Variants in CHD6 observed in about 807,000 individuals in gnomAD.
CHD6 encodes the protein chromodomain helicase DNA binding protein 6, also known as ATP-dependent chromatin remodeler CHD6.
CHD6 carries 50 observed loss-of-function variants against 276.9 expected under a neutral mutation model. The observed-to-expected ratio is 0.18, with a 90% CI of 0.14 to 0.23. The LOEUF (loss-of-function observed/expected upper bound fraction) is 0.23. Among genes scored for constraint, CHD6 ranks in the 10% least tolerant of loss-of-function variants. CHD6 has a pLI of 1.00. For missense variants in CHD6, 2,564 were observed against 3,365.8 expected, an observed-to-expected ratio of 0.76 and a Z score of 5.89; for synonymous variants, 1,173 against 1,229.3, an observed-to-expected ratio of 0.95 and a Z score of 0.96.
intron 1 of CHD6, among the ~76,000 whole-genome samples, chr20:41,574,092 T>A (rs771321514): frequency 6.6e-6 from 1 of 151,424 alleles, no homozygotes; most frequent in Non-Finnish European, 1.5e-5. Flanking sequence ...GCAAATGTTA[T>A]TTTTAGCTAT....
chr20:41,587,809 T>C (rs1461752334), intron 1 of CHD6, among the ~76,000 whole-genome samples: 1 of 148,322 alleles, frequency 6.7e-6, no homozygotes, highest in Non-Finnish European at 1.5e-5. Context: ...ACTGATGACA[T>C]TTCTGTAGTG....
rs1228993551 is a variant in CHD6, at chr20:41,489,988, T to C, written c.1470A>G (p.Leu490=). 1.9e-6 allele frequency: 3 copies of C among 1,613,788 alleles called. No individual in the cohort carries two copies. The highest frequency in any genetic ancestry group is 1.7e-6 in the Non-Finnish European group (2 of 1,179,796). Residue 490 remains leucine, a synonymous_variant, in exon 12 of 37, where the codon CTA becomes CTG. Transcript: ENST00000373233. ...KNCILADEMG[L]GKTIQSITFL... ...ATGTGATGGACTGGATGGTTTTCCCTAGGCCCATCTCATCAGCCAAAATAC... is the reference window on the plus strand; with the variant it reads ...ATGTGATGGACTGGATGGTTTTCCCCAGGCCCATCTCATCAGCCAAAATAC...
intron 3 of CHD6, among the ~76,000 whole-genome samples, chr20:41,525,117 G>T (rs1386505484): frequency 6.6e-6 from 1 of 152,126 alleles, no homozygotes; most frequent in African/African-American, 2.4e-5. Flanking sequence ...CCCCTGAATA[G>T]GAAGCCTGGC....
intron 24 of CHD6, among the ~76,000 whole-genome samples, chr20:41,447,218 A>C (rs2048096823): frequency 1.3e-5 from 2 of 152,220 alleles, no homozygotes; most frequent in Admixed American, 1.3e-4. Context: ...CCACGGCCCC[A>C]GGTAATCTCA....
intron 5 of CHD6, among the ~76,000 whole-genome samples, chr20:41,500,754 T>C (rs577909123): frequency 2.8e-4 from 42 of 152,260 alleles, no homozygotes; most frequent in African/African-American, 7.9e-4. Flanking sequence ...TTGTTTTATA[T>C]ACCGACATAG....
chr20:41,435,603 CAA>C (rs34895530), intron 27 of CHD6, among the ~76,000 whole-genome samples: 50,647 of 109,776 alleles, frequency 0.46, 10,958 homozygotes, highest in East Asian at 0.68. Context: ...GACCCTGAGT[CAA>C]AAAAAAAAAA....
intron 2 of CHD6, among the ~76,000 whole-genome samples, chr20:41,545,457 T>C (rs771244777): frequency 2.0e-5 from 3 of 152,262 alleles, no homozygotes; most frequent in Admixed American, 6.5e-5. Flanking sequence ...TTTTGAAACA[T>C]GATTCTAGGG....
chr20:41,581,182 T>A (rs1231045953), intron 1 of CHD6, among the ~76,000 whole-genome samples: 1 of 152,212 alleles, frequency 6.6e-6, no homozygotes, highest in Non-Finnish European at 1.5e-5. Context: ...GTCTTAATCA[T>A]CATAATCATC....
chr20:41,439,568 G>A (rs932898726), intron 26 of CHD6, among the ~76,000 whole-genome samples: 1 of 152,184 alleles, frequency 6.6e-6, no homozygotes, highest in Non-Finnish European at 1.5e-5. Flanking sequence ...CTTGCTCATG[G>A]ACTATGCAAT....
chr20:41,603,348 G>GA (rs2045792505), intron 1 of CHD6, among the ~76,000 whole-genome samples: 1 of 151,664 alleles, frequency 6.6e-6, no homozygotes, highest in Admixed American at 6.5e-5. Flanking sequence ...TCTCAGAAAA[G>GA]AAAAGAAAAA....
rs973031016 is a variant in CHD6, at chr20:41,421,004, G to A, written c.5631C>T (p.Asn1877=). The A allele has an allele frequency of 9.9e-6, 16 of 1,613,526 alleles. No homozygotes were observed. Among genetic ancestry groups the A allele is most frequent in the Non-Finnish European group, 1.3e-5 (15 of 1,179,688 alleles). The change falls in exon 31 of 37, where the codon AAC becomes AAT. Residue 1877 remains asparagine, a synonymous_variant. Coordinates refer to ENST00000373233, the MANE Select transcript of CHD6 (RefSeq NM_032221.5). ...EEEEEENEEE[N]LAMAVGMGER... ...CCCCCATGCCTACTGCCATGGCTAAGTTTTCCTCCTCGTTTTCCTCCTCTT... is the reference window on the plus strand; with the variant it reads ...CCCCCATGCCTACTGCCATGGCTAAATTTTCCTCCTCGTTTTCCTCCTCTT...
At chr20:41,549,698 C>G (rs1416977913) in intron 2 of CHD6, among the ~76,000 whole-genome samples, 2 of 151,500 alleles carry the variant, frequency 1.3e-5, no homozygotes, top group Non-Finnish European at 2.9e-5. Flanking sequence ...AAAAGCTTAT[C>G]TTAAAGGATG....
At position 41,453,112 on chromosome 20, in the gene CHD6, A is replaced by G. The variant is rs138250622; in HGVS notation, c.3121-170T>C. Among the ~76,000 whole-genome samples, 197 of 152,302 alleles carry G rather than the reference A, an allele frequency of 1.3e-3. 1 individual carries two copies. Among genetic ancestry groups the G allele is most frequent in the South Asian group, 6.6e-3 (32 of 4,816 alleles). On this transcript the variant is annotated intron_variant, in intron 20 of 36. Coordinates refer to ENST00000373233, the MANE Select transcript of CHD6 (RefSeq NM_032221.5). ...CTGTCTCCATGACCACAGGACAAGCAGAGAAGATTCTCTGGGACTTGCTCA... is the reference window on the plus strand; with the variant it reads ...CTGTCTCCATGACCACAGGACAAGCGGAGAAGATTCTCTGGGACTTGCTCA...
chr20:41,445,586 G>A (rs1042007350), intron 25 of CHD6, 79 bp downstream of exon 25: 6 of 835,404 alleles, frequency 7.2e-6, no homozygotes, highest in Admixed American at 5.9e-5. Context: ...GGAACATGCC[G>A]AGCTTAGTTG....
intron 3 of CHD6, among the ~76,000 whole-genome samples, chr20:41,530,974 T>G (rs2044670669): frequency 6.6e-6 from 1 of 152,224 alleles, no homozygotes; most frequent in Admixed American, 6.5e-5. Context: ...TCAAGTTGCG[T>G]TAATATTGCT....
At chr20:41,439,051 T>A (rs1232437585) in intron 26 of CHD6, among the ~76,000 whole-genome samples, 1 of 144,514 alleles carries the variant, frequency 6.9e-6, no homozygotes, top group Non-Finnish European at 1.6e-5. Flanking sequence ...AAGAGATAAA[T>A]GCTAAGAGAT....
intron 17 of CHD6, among the ~76,000 whole-genome samples, chr20:41,467,808 TAAAAAA>T (rs11470704): frequency 7.2e-6 from 1 of 138,022 alleles, no homozygotes; most frequent in African/African-American, 2.6e-5. Flanking sequence ...AGAAAGGAGT[TAAAAAA>T]AAAAAAAAAA....
intron 3 of CHD6, among the ~76,000 whole-genome samples, chr20:41,531,705 G>C (rs1248388666): frequency 6.6e-6 from 1 of 152,224 alleles, no homozygotes; most frequent in East Asian, 1.9e-4. Flanking sequence ...AGAAGGGAGT[G>C]AACATTATGA....
Position 41,403,764 on chromosome 20 carries a change from G to C in CHD6, c.*829C>G. ...GCTAGAGAAATCTGTAAGCGAACCAGGTGAGAGCAGAGCGCTAGCCGTGTG... is the reference window on the plus strand; with the variant it reads ...GCTAGAGAAATCTGTAAGCGAACCACGTGAGAGCAGAGCGCTAGCCGTGTG... On this transcript the variant is annotated 3_prime_UTR_variant, in exon 37 of 37. Transcript: ENST00000373233. 9.5e-7 allele frequency: 1 copy of C among 1,058,020 alleles called. No individual in the cohort carries two copies. Among genetic ancestry groups the C allele is most frequent in the Non-Finnish European group, 1.1e-6 (1 of 874,734 alleles). The allele number at this position is 1,058,020 out of a possible 1,614,324, so 65.5% of individuals were successfully genotyped here.
Sources: gnomAD v4.1 joint callset for allele counts (sites outside exome capture counted in the v4.1 genomes callset) on GRCh38, gnomAD v4.1.1 for gene constraint, MANE v1.5 for transcripts, NCBI Gene and HGNC (gene_info 2026-07-23, HGNC 2026-07-21) for gene names.